The following HMG20A variants were observed in gnomAD, a reference collection of about 807,000 sequenced individuals.
The protein encoded by HMG20A is high mobility group protein 20A.
HMG20A carries 17 observed loss-of-function variants against 43.9 expected under a neutral mutation model. The ratio of observed to expected loss-of-function variants is 0.39; its 90% confidence interval spans 0.27 to 0.58. HMG20A has a LOEUF of 0.58. Among genes scored for constraint, HMG20A ranks in the 20% least tolerant of loss-of-function variants. HMG20A has a pLI of 0.59. For missense variants in HMG20A, 341 were observed against 438.2 expected (o/e 0.78, Z 1.98); for synonymous variants, 132 against 147.5 (o/e 0.89, Z 0.76).
chr15:77,440,497 A>G (rs1459280633), intron 1 of HMG20A, among the ~76,000 whole-genome samples: 3 of 152,168 alleles, frequency 2.0e-5, no homozygotes, highest in Admixed American at 6.5e-5. Flanking sequence ...GGTTATTGCT[A>G]TTTATATTGC....
the HMG20A span, among the ~76,000 whole-genome samples, chr15:77,492,590 G>A: frequency 6.6e-6 from 1 of 151,926 alleles, no homozygotes; most frequent in African/African-American, 2.4e-5. Context: ...GGCTGAGGCA[G>A]GAGGATTGCA....
At chr15:77,488,046 A>G (rs578112015), downstream of HMG20A, among the ~76,000 whole-genome samples, 1 of 152,344 alleles carries the variant, frequency 6.6e-6, no homozygotes, top group East Asian at 1.9e-4. Context: ...GTGAAATGCA[A>G]AAGGAGGAGC....
chr15:77,506,880 C>G, the HMG20A span, among the ~76,000 whole-genome samples: 1 of 152,236 alleles, frequency 6.6e-6, no homozygotes, highest in African/African-American at 2.4e-5. Context: ...TCGGCCAGCG[C>G]CTCCACACCA....
rs975924431 is a variant in HMG20A at position 77,465,121 on chromosome 15, G to T, written c.237+734G>T. Among the ~76,000 whole-genome samples, 5 of 151,780 alleles carry T rather than the reference G, an allele frequency of 3.3e-5. No individual in the cohort carries two copies. In the East Asian group the frequency reaches 9.7e-4, roughly 30 times the overall value. Reference sequence around the variant, plus strand: ...CTAAAAAATACAAAAAATTAGCCAGGTGCAGTGGTGTGTGCCTGTAATTCC... The same window carrying T: ...CTAAAAAATACAAAAAATTAGCCAGTTGCAGTGGTGTGTGCCTGTAATTCC... On this transcript the variant is annotated intron_variant, in intron 3 of 9. Transcript: ENST00000336216.
chr15:77,505,662 C>A, the HMG20A span, among the ~76,000 whole-genome samples: 1 of 152,252 alleles, frequency 6.6e-6, no homozygotes, highest in Non-Finnish European at 1.5e-5. Flanking sequence ...TCTGCTGCTC[C>A]TATCACAGTT....
the HMG20A span, among the ~76,000 whole-genome samples, chr15:77,514,745 T>A: frequency 2.6e-5 from 4 of 152,088 alleles, no homozygotes; most frequent in Non-Finnish European, 5.9e-5. Flanking sequence ...AGCGACATAA[T>A]CACATTGCAT....
chr15:77,502,964 C>A, the HMG20A span, among the ~76,000 whole-genome samples: 3 of 152,078 alleles, frequency 2.0e-5, no homozygotes, highest in Non-Finnish European at 4.4e-5. Flanking sequence ...GAAGCCCTGT[C>A]GCAAAAACAA....
chr15:77,470,328 A>G (rs1384770711), intron 4 of HMG20A, among the ~76,000 whole-genome samples: 1 of 152,224 alleles, frequency 6.6e-6, no homozygotes, highest in African/African-American at 2.4e-5. Flanking sequence ...CAATCAAAGC[A>G]TGTAGATATA....
chr15:77,516,679 C>G, the HMG20A span, among the ~76,000 whole-genome samples: 33 of 152,170 alleles, frequency 2.2e-4, no homozygotes, highest in Non-Finnish European at 4.0e-4. Flanking sequence ...GGGCACTGAA[C>G]TCCACCCCGA....
chr15:77,484,113 TG>T lies in HMG20A; in HGVS notation c.*1151del, dbSNP rs1288753920. 6.6e-6 allele frequency: 1 copy of T among 152,110 alleles called. No homozygotes were observed. The allele number at this position is 152,110 out of a possible 1,614,324, so 9.4% of individuals were successfully genotyped here. On this transcript the variant is annotated 3_prime_UTR_variant, in exon 10 of 10. Coordinates refer to ENST00000336216, the MANE Select transcript of HMG20A (RefSeq NM_001304504.2). ...TAAAGAGGACTTTCTGGTTCATTTT[TG>T]TTTGTTTTGTTTTGTTTTGTTTTGT...
At chr15:77,424,213 A>G (rs935428187) in intron 1 of HMG20A, among the ~76,000 whole-genome samples, 9 of 152,164 alleles carry the variant, frequency 5.9e-5, no homozygotes, top group East Asian at 1.9e-4. Flanking sequence ...TGAATGTTTC[A>G]GCCTAATTTT....
chr15:77,434,875 C>A (rs766769196), intron 1 of HMG20A, among the ~76,000 whole-genome samples: 2 of 152,100 alleles, frequency 1.3e-5, no homozygotes, highest in Non-Finnish European at 2.9e-5. Context: ...CCCAGCTGTT[C>A]CTAGGTATAC....
At chr15:77,474,044 C>G (rs2072833454) in intron 6 of HMG20A, among the ~76,000 whole-genome samples, 1 of 152,118 alleles carries the variant, frequency 6.6e-6, no homozygotes. Context: ...TTTTTAAACA[C>G]TGTTACCCAG....
chr15:77,426,816 T>C (rs2073432459), intron 1 of HMG20A, among the ~76,000 whole-genome samples: 2 of 152,176 alleles, frequency 1.3e-5, no homozygotes, highest in South Asian at 4.1e-4. Context: ...ATGATCATTC[T>C]TTCTCAGATC....
rs1300494618 is a variant in HMG20A, at chr15:77,458,475, G to C, written c.68G>C (p.Ser23Thr). The C allele has an allele frequency of 6.2e-7, 1 of 1,612,560 alleles. No individual in the cohort carries two copies. Among genetic ancestry groups the C allele is most frequent in the Non-Finnish European group, 8.5e-7 (1 of 1,178,816 alleles). ...GCAGATGAAGACGGTTCCAAGGAGA[G>C]TAATGATCTGGCTACCACTGGGTAA... is the stretch of plus-strand genomic sequence containing the variant. ...LFADEDGSKESNDLATTGLNH... is the reference protein window; with the variant it reads ...LFADEDGSKETNDLATTGLNH... Residue 23 changes from serine to threonine, a missense_variant, in exon 2 of 10, where the codon AGT becomes ACT. By Grantham distance (58) the Ser-to-Thr change is moderately conservative. Coordinates refer to ENST00000336216, the MANE Select transcript of HMG20A (RefSeq NM_001304504.2).
Position 77,451,221 on chromosome 15 carries a change from C to T in HMG20A, c.-4-7183C>T, listed in dbSNP as rs59161036. ...CAATTATGAATAAAGCTACTATAAA[C>T]ATCTGTGTGCAGGTTTTTGTGTGGA... On this transcript the variant is annotated intron_variant, in intron 1 of 9. Transcript: ENST00000336216. Among the ~76,000 whole-genome samples, 676 of 152,320 alleles carry T rather than the reference C, an allele frequency of 4.4e-3. 16 individuals are homozygous for T. In the East Asian group the frequency reaches 0.07, roughly 16 times the overall value.
At chr15:77,428,003 A>T (rs151336023) in intron 1 of HMG20A, among the ~76,000 whole-genome samples, 5 of 152,360 alleles carry the variant, frequency 3.3e-5, no homozygotes, top group Non-Finnish European at 7.3e-5. Flanking sequence ...ATGATCCCTC[A>T]GTATCACTAC....
the HMG20A span, among the ~76,000 whole-genome samples, chr15:77,512,112 CT>C: frequency 6.6e-6 from 1 of 152,142 alleles, no homozygotes; most frequent in Non-Finnish European, 1.5e-5. Context: ...CATGCTACAG[CT>C]TGGATAAAAC....
At position 77,484,993 on chromosome 15, in the gene HMG20A, C is replaced by T. The variant is rs1018562885; in HGVS notation, c.*2030C>T. 2 of 152,240 alleles carry T rather than the reference C, an allele frequency of 1.3e-5. No individual in the cohort carries two copies. The highest frequency in any genetic ancestry group is 1.5e-5 in the Non-Finnish European group (1 of 68,050). The allele number at this position is 152,240 out of a possible 1,614,324, so 9.4% of individuals were successfully genotyped here. Reference sequence around the variant, plus strand: ...TGACCAGAAAAGGCCATAACATGGTCCAGGATCATCATTCTTCTGACTCTA... The same window carrying T: ...TGACCAGAAAAGGCCATAACATGGTTCAGGATCATCATTCTTCTGACTCTA... On this transcript the variant is annotated 3_prime_UTR_variant, in exon 10 of 10. Transcript: ENST00000336216.
Sources: allele counts gnomAD v4.1 joint callset (sites outside exome capture counted in the v4.1 genomes callset), GRCh38; gene constraint gnomAD v4.1.1; transcripts MANE v1.5; gene names NCBI Gene and HGNC (gene_info 2026-07-23, HGNC 2026-07-21).